The following ALKAL1 variants were observed in gnomAD, a reference collection of about 807,000 sequenced individuals.
ALKAL1 encodes ALK and LTK ligand 1.
Under a neutral mutation model 13.5 loss-of-function variants are expected in ALKAL1, and 23 were observed. That is an observed-to-expected ratio of 1.70 (90% CI 1.23 to 2.41). The LOEUF is 2.41. Ranked by LOEUF, ALKAL1 falls within the 30% of genes most tolerant of loss-of-function variation. The probability of loss-of-function intolerance (pLI) is 0.00; values close to 1 mark genes in which losing one functional copy is unlikely to be tolerated. For synonymous variants in ALKAL1, 85 were observed against 77.7 expected (o/e 1.09, Z -0.49); for missense variants, 181 against 178.4 (o/e 1.01, Z -0.08).
At chr8:52,542,214 C>T (rs1359811040) in intron 2 of ALKAL1, among the ~76,000 whole-genome samples, 178 bp downstream of exon 2, 1 of 152,156 alleles carries the variant, frequency 6.6e-6, no homozygotes, top group Admixed American at 6.5e-5. Flanking sequence ...ACTTCTATTA[C>T]TTATTAAGGG....
At chr8:52,541,902 C>A (rs549135992) in intron 2 of ALKAL1, among the ~76,000 whole-genome samples, 2 of 152,066 alleles carry the variant, frequency 1.3e-5, no homozygotes, top group African/African-American at 4.8e-5. Context: ...CCCTAGCATG[C>A]CACTTAAGAT....
At chr8:52,546,815 G>C (rs1318033208) in intron 1 of ALKAL1, among the ~76,000 whole-genome samples, 1 of 152,170 alleles carries the variant, frequency 6.6e-6, no homozygotes, top group Non-Finnish European at 1.5e-5. Context: ...CCATCTGTGA[G>C]GGGCACCCTT....
At chr8:52,557,514 G>T (rs751339512) in intron 1 of ALKAL1, among the ~76,000 whole-genome samples, 1 of 152,024 alleles carries the variant, frequency 6.6e-6, no homozygotes, top group Non-Finnish European at 1.5e-5. Context: ...TTCAATTTTC[G>T]GTGTTTTTGT....
In ALKAL1 at chr8:52,556,266, T is replaced by C. The variant is rs373078357; in HGVS notation, c.190+8801A>G. On this transcript the variant is annotated intron_variant, in intron 1 of 4. Transcript: ENST00000358543. ...TATGTTAAAAATTTTACCAAAGTAATGTAAAATATTGGATTAGATAGTAAA... is the reference window on the plus strand; with the variant it reads ...TATGTTAAAAATTTTACCAAAGTAACGTAAAATATTGGATTAGATAGTAAA... Among the ~76,000 whole-genome samples the C allele has an allele frequency of 5.3e-5, 8 of 152,268 alleles. No homozygotes were observed. In the East Asian group the frequency reaches 1.3e-3, roughly 26 times the overall value.
intron 2 of ALKAL1, among the ~76,000 whole-genome samples, chr8:52,540,404 TC>T (rs997596490): frequency 1.1e-4 from 16 of 152,246 alleles, no homozygotes; most frequent in African/African-American, 3.9e-4. Flanking sequence ...CCCTTGTCTC[TC>T]CCTTTTAAAT....
At chr8:52,543,468 A>AGCTCCCCAGTTCAGGGC (rs1425084941) in intron 1 of ALKAL1, among the ~76,000 whole-genome samples, 1 of 152,078 alleles carries the variant, frequency 6.6e-6, no homozygotes, top group African/African-American at 2.4e-5. Context: ...CTGTGCAGGG[A>AGCTCCCCAGTTCAGGGC]GCTCCCCAGT....
At chr8:52,556,570 C>T (rs562093073) in intron 1 of ALKAL1, among the ~76,000 whole-genome samples, 1 of 144,960 alleles carries the variant, frequency 6.9e-6, no homozygotes, top group African/African-American at 2.5e-5. Flanking sequence ...TGGCGTGAAC[C>T]CGGGAGGCGG....
chr8:52,557,886 G>A (rs1448689196), intron 1 of ALKAL1, among the ~76,000 whole-genome samples: 5 of 151,586 alleles, frequency 3.3e-5, no homozygotes, highest in Non-Finnish European at 7.4e-5. Context: ...TTGGGAGGCT[G>A]AGGTGGGAGG....
At chr8:52,546,252 A>G (rs1847367372) in intron 1 of ALKAL1, among the ~76,000 whole-genome samples, 1 of 152,206 alleles carries the variant, frequency 6.6e-6, no homozygotes, top group African/African-American at 2.4e-5. Context: ...GTGTTTGTGA[A>G]TAAAGCTCTG....
chr8:52,549,500 A>T (rs1207320946), intron 1 of ALKAL1, among the ~76,000 whole-genome samples: 4 of 151,414 alleles, frequency 2.6e-5, no homozygotes, highest in African/African-American at 4.8e-5. Context: ...CCTTCATCGT[A>T]ACATGAAGTT....
chr8:52,558,496 T>C (rs1189419701), intron 1 of ALKAL1, among the ~76,000 whole-genome samples: 3 of 151,982 alleles, frequency 2.0e-5, no homozygotes, highest in Non-Finnish European at 4.4e-5. Context: ...TGACTAGCAA[T>C]TAGTATGTGG....
Position 52,535,339 on chromosome 8 carries a change from A to G in ALKAL1, c.*13-739T>C, listed in dbSNP as rs114593862. On this transcript the variant is annotated intron_variant, in intron 4 of 4. Coordinates refer to ENST00000358543, the MANE Select transcript of ALKAL1 (RefSeq NM_207413.4). ...AAGATGGGAGGATCACTTGAGCCCA[A>G]GAGCTCAAGACCAGCCTGGGCAGCA... Among the ~76,000 whole-genome samples the G allele has an allele frequency of 5.4e-3, 816 of 151,782 alleles. 4 individuals are homozygous for G. Among genetic ancestry groups the G allele is most frequent in the African/African-American group, 0.018 (761 of 41,404 alleles).
At chr8:52,537,285 T>C (rs1847273967) in intron 4 of ALKAL1, among the ~76,000 whole-genome samples, 1 of 152,140 alleles carries the variant, frequency 6.6e-6, no homozygotes, top group South Asian at 2.1e-4. Flanking sequence ...TCATCTCACT[T>C]CAGTTAGAAT....
chr8:52,552,777 A>T (rs932085693), intron 1 of ALKAL1, among the ~76,000 whole-genome samples: 2 of 152,102 alleles, frequency 1.3e-5, no homozygotes, highest in Non-Finnish European at 2.9e-5. Context: ...ATCACTTTTT[A>T]AAAACTTTCT....
chr8:52,541,251 G>A (rs896045277), intron 2 of ALKAL1, among the ~76,000 whole-genome samples: 4 of 152,258 alleles, frequency 2.6e-5, no homozygotes, highest in Admixed American at 2.6e-4. Context: ...CAAGGCAGGA[G>A]GATCACTTGA....
rs377374798 is a variant in ALKAL1 at position 52,550,577 on chromosome 8, A to T, written c.191-8132T>A. Among the ~76,000 whole-genome samples the T allele has an allele frequency of 5.3e-5, 8 of 152,354 alleles. No homozygotes were observed. The South Asian group carries it at 1.7e-3, about 32-fold the overall frequency. ...CAAAGTTCTAGAAATGGGATGGCTT[A>T]TATCAACAGAGACTTGCTATCTCGC... On this transcript the variant is annotated intron_variant, in intron 1 of 4. Coordinates refer to ENST00000358543, the MANE Select transcript of ALKAL1 (RefSeq NM_207413.4).
rs1378078528 is a variant in ALKAL1 at position 52,539,830 on chromosome 8, C to G, written c.325+1G>C. ...AAAAAAAACCCACCCAAGTTACTTA[C>G]AAGCTGGCGTTGAGCACTCCCTGGT... On this transcript the variant is annotated splice_donor_variant, in intron 3 of 4. Transcript: ENST00000358543. LOFTEE classifies it high-confidence loss of function. The G allele has an allele frequency of 6.3e-7, 1 of 1,583,094 alleles. No individual in the cohort carries two copies. The highest frequency in any genetic ancestry group is 8.6e-7 in the Non-Finnish European group (1 of 1,165,916).
At chr8:52,551,155 A>T (rs1847423784) in intron 1 of ALKAL1, among the ~76,000 whole-genome samples, 1 of 152,232 alleles carries the variant, frequency 6.6e-6, no homozygotes, top group African/African-American at 2.4e-5. Flanking sequence ...TATATAAATA[A>T]ATATATTCTG....
intron 1 of ALKAL1, among the ~76,000 whole-genome samples, chr8:52,550,418 C>T (rs774483261): frequency 1.4e-5 from 2 of 140,636 alleles, no homozygotes; most frequent in African/African-American, 2.5e-5. Context: ...TTTTGTGTGG[C>T]GCTTTTGAGC....
Sources: gnomAD v4.1 joint callset for allele counts (sites outside exome capture counted in the v4.1 genomes callset) on GRCh38, gnomAD v4.1.1 for gene constraint, MANE v1.5 for transcripts, NCBI Gene and HGNC (gene_info 2026-07-23, HGNC 2026-07-21) for gene names.